FBXW4: variants seen among roughly 807,000 people sequenced by gnomAD.
FBXW4 encodes the protein F-box/WD repeat-containing protein 4.
Under a neutral mutation model 61.8 loss-of-function variants are expected in FBXW4, and 40 were observed. The observed-to-expected ratio is 0.65, with a 90% CI of 0.50 to 0.84. FBXW4 has a LOEUF of 0.84. Ranked by LOEUF, FBXW4 falls within the 40% of genes least tolerant of loss-of-function variation. FBXW4 has a pLI of 0.00. For missense variants in FBXW4, 672 were observed against 753.8 expected (o/e 0.89, Z 1.27); for synonymous variants, 311 against 313.8 (o/e 0.99, Z 0.10).
intron 1 of FBXW4, among the ~76,000 whole-genome samples, chr10:101,687,609 C>T (rs765575353): frequency 2.6e-5 from 4 of 152,172 alleles, no homozygotes; most frequent in Non-Finnish European, 4.4e-5. Context: ...CTACCAATCT[C>T]CAAGTTAGGG....
chr10:101,619,098 G>A (rs1234167538), intron 6 of FBXW4, among the ~76,000 whole-genome samples: 3 of 152,138 alleles, frequency 2.0e-5, no homozygotes, highest in Non-Finnish European at 4.4e-5. Context: ...CCAAACTCCA[G>A]GCTCGGGCAG....
At chr10:101,659,513 C>T in intron 5 of FBXW4, 2 of 775,170 alleles carry the variant, frequency 2.6e-6, no homozygotes, top group Non-Finnish European at 3.1e-6. Context: ...AAACTAAGCC[C>T]TCAGAGGTTA....
At chr10:101,668,435 G>T (rs1589771197) in intron 4 of FBXW4, among the ~76,000 whole-genome samples, 1 of 152,160 alleles carries the variant, frequency 6.6e-6, no homozygotes, top group East Asian at 1.9e-4. Context: ...TAGAATTAGG[G>T]AGAGAAGTAA....
intron 1 of FBXW4, among the ~76,000 whole-genome samples, chr10:101,677,365 C>T (rs910064260): frequency 2.0e-5 from 3 of 152,020 alleles, no homozygotes; most frequent in Non-Finnish European, 4.4e-5. Context: ...TACTGATACA[C>T]AACATAATGT....
intron 5 of FBXW4, among the ~76,000 whole-genome samples, chr10:101,629,374 C>T (rs1041034128): frequency 1.3e-5 from 2 of 151,982 alleles, no homozygotes; most frequent in Admixed American, 6.6e-5. Flanking sequence ...ACCTCTATCT[C>T]CCAGGTTCAT....
intron 5 of FBXW4, among the ~76,000 whole-genome samples, chr10:101,642,603 T>C (rs1237799100): frequency 1.3e-5 from 2 of 152,118 alleles, no homozygotes; most frequent in South Asian, 2.1e-4. Context: ...CTCAGGACTT[T>C]GTCAACAGCC....
intron 5 of FBXW4, among the ~76,000 whole-genome samples, chr10:101,640,200 C>T (rs1294605206): frequency 2.0e-5 from 3 of 152,194 alleles, no homozygotes; most frequent in Non-Finnish European, 4.4e-5. Flanking sequence ...TCTCTTATAC[C>T]AATGCCTAAG....
chr10:101,677,879 T>TAA (rs547359139), intron 1 of FBXW4, among the ~76,000 whole-genome samples: 1 of 145,878 alleles, frequency 6.9e-6, no homozygotes, highest in Non-Finnish European at 1.5e-5. Context: ...ATTTTTTTCT[T>TAA]AAAAAAAAAA....
At chr10:101,623,038 CAAAT>C (rs1365450531) in intron 6 of FBXW4, 6 of 152,086 alleles carry the variant, frequency 3.9e-5, no homozygotes, top group African/African-American at 7.2e-5. Flanking sequence ...AAATATATGG[CAAAT>C]AAACACATGA....
Position 101,611,464 on chromosome 10 carries a change from T to C in FBXW4, c.1585-54A>G. The C allele has an allele frequency of 6.3e-7, 1 of 1,590,380 alleles. No individual in the cohort carries two copies. Among genetic ancestry groups the C allele is most frequent in the African/African-American group, 1.3e-5 (1 of 74,622 alleles). ...GAGCTTTCCAAGTGGGACATGGGTGTGCCCTAACCCAGGATCCCCAGGCCC... is the reference window on the plus strand; with the variant it reads ...GAGCTTTCCAAGTGGGACATGGGTGCGCCCTAACCCAGGATCCCCAGGCCC... On this transcript the variant is annotated intron_variant, in intron 8 of 8. Coordinates refer to ENST00000331272, the MANE Select transcript of FBXW4 (RefSeq NM_022039.4). This position sits in a 1 kb window ranked among gnomAD's most constrained non-coding sequence, Gnocchi z 4.9.
intron 5 of FBXW4, among the ~76,000 whole-genome samples, chr10:101,651,780 C>T (rs532514582): frequency 6.6e-6 from 1 of 152,170 alleles, no homozygotes; most frequent in Admixed American, 6.5e-5. Flanking sequence ...CCAATCAAGA[C>T]CCCCATGTCA....
At chr10:101,663,568 G>A (rs1045957100) in intron 5 of FBXW4, among the ~76,000 whole-genome samples, 2 of 151,626 alleles carry the variant, frequency 1.3e-5, no homozygotes, top group East Asian at 3.9e-4. Context: ...AAGGTGGGAG[G>A]ATCACTTGAA....
chr10:101,612,287 G>A (rs2063793276), intron 7 of FBXW4, 50 bp downstream of exon 7: 1 of 1,474,454 alleles, frequency 6.8e-7, no homozygotes, highest in South Asian at 1.5e-5. Context: ...GGAAGGACCA[G>A]GATTGGTGCA....
At chr10:101,628,619 T>A (rs1257007943) in intron 5 of FBXW4, among the ~76,000 whole-genome samples, 2 of 152,050 alleles carry the variant, frequency 1.3e-5, no homozygotes, top group Non-Finnish European at 2.9e-5. Flanking sequence ...AAGGAATAAT[T>A]CCCAAATACC....
At chr10:101,681,381 T>G (rs897741230) in intron 1 of FBXW4, among the ~76,000 whole-genome samples, 6 of 122,452 alleles carry the variant, frequency 4.9e-5, no homozygotes, top group African/African-American at 2.0e-4. Context: ...AGAGCGAAAC[T>G]CCGTCTCAAA....
At chr10:101,671,480 G>A (rs1051199759) in intron 4 of FBXW4, among the ~76,000 whole-genome samples, 2 of 152,054 alleles carry the variant, frequency 1.3e-5, no homozygotes, top group African/African-American at 4.8e-5. Flanking sequence ...GCTATTCTTC[G>A]TCAACTGTAA....
At chr10:101,660,542 TA>T (rs1195168302) in intron 5 of FBXW4, among the ~76,000 whole-genome samples, 8 of 152,098 alleles carry the variant, frequency 5.3e-5, no homozygotes, top group Non-Finnish European at 1.0e-4. Context: ...CACTGAAATT[TA>T]AAGACAGAAA....
At chr10:101,657,528 G>C (rs983467724) in intron 5 of FBXW4, among the ~76,000 whole-genome samples, 4 of 151,770 alleles carry the variant, frequency 2.6e-5, no homozygotes, top group Admixed American at 6.6e-5. Flanking sequence ...CAGCTACTTG[G>C]GGGGCTGAGG....
In FBXW4 at chr10:101,694,898, C is replaced by G; in HGVS notation, c.208G>C (p.Gly70Arg). The G allele has an allele frequency of 8.0e-7, 1 of 1,246,238 alleles. No individual in the cohort carries two copies. Among genetic ancestry groups the G allele is most frequent in the Non-Finnish European group, 1.0e-6 (1 of 996,678 alleles). The allele number at this position is 1,246,238 out of a possible 1,614,324, so 77.2% of individuals were successfully genotyped here. ...PGPQTAKEAA[G>R]PGADAGARAC... ...CTCGCTCCCGCGTCAGCCCCCGGCC[C>G]GGCTGCCTCCTTCGCCGTCTGCGGC... is the stretch of plus-strand genomic sequence containing the variant. The change falls in exon 1 of 9, where the codon GGG becomes CGG. Residue 70 changes from glycine to arginine, a missense_variant. Gly to Arg is a moderately radical substitution (Grantham distance 125). This residue lies in a region of FBXW4 where 311 missense variants were observed against 301.1 expected (regional missense o/e 1.03). Coordinates refer to ENST00000331272, the MANE Select transcript of FBXW4 (RefSeq NM_022039.4). This position sits in a 1 kb window ranked among gnomAD's most constrained non-coding sequence, Gnocchi z 6.0.
Sources: gnomAD v4.1 joint callset for allele counts (sites outside exome capture counted in the v4.1 genomes callset) on GRCh38, gnomAD v4.1.1 for gene constraint, gnomAD v4.1.1 regional missense constraint, Gnocchi (gnomAD v3.1) non-coding constraint, MANE v1.5 for transcripts, NCBI Gene and HGNC (gene_info 2026-07-23, HGNC 2026-07-21) for gene names.